GNG7: variants seen among roughly 807,000 people sequenced by gnomAD.
GNG7 encodes the protein guanine nucleotide-binding protein G(I)/G(S)/G(O) subunit gamma-7.
Under a neutral mutation model 4.0 loss-of-function variants are expected in GNG7, and 1 was observed. The observed-to-expected ratio is 0.25, with a 90% CI of 0.09 to 1.18. The LOEUF (loss-of-function observed/expected upper bound fraction) is 1.18, where lower values mean the gene tolerates loss of function less well. Ranked by LOEUF, GNG7 falls within the 50% of genes most tolerant of loss-of-function variation. The probability of loss-of-function intolerance (pLI) is 0.50; values close to 1 mark genes in which losing one functional copy is unlikely to be tolerated. For missense variants in GNG7, 86 were observed against 91.9 expected, an observed-to-expected ratio of 0.94 and a Z score of 0.26; for synonymous variants, 34 against 36.9, an observed-to-expected ratio of 0.92 and a Z score of 0.29.
chr19:2,595,576 A>G (rs1980992489), intron 2 of GNG7, among the ~76,000 whole-genome samples: 1 of 151,970 alleles, frequency 6.6e-6, no homozygotes, highest in Non-Finnish European at 1.5e-5. Flanking sequence ...TCTAGTAAAA[A>G]TACAAAAAAT....
intron 2 of GNG7, among the ~76,000 whole-genome samples, chr19:2,583,365 C>G (rs1007982399): frequency 2.0e-5 from 3 of 152,172 alleles, no homozygotes; most frequent in Non-Finnish European, 2.9e-5. Context: ...GACCTCTCAC[C>G]CCCTTTGTAG....
chr19:2,646,034 T>G (rs1982656896), intron 2 of GNG7, among the ~76,000 whole-genome samples, 190 bp downstream of exon 2: 1 of 152,086 alleles, frequency 6.6e-6, no homozygotes, highest in Non-Finnish European at 1.5e-5. Context: ...GGCGGGAAAC[T>G]CTGCCAGGAG....
Position 2,609,811 on chromosome 19 carries a change from C to A in GNG7, c.-78+36413G>T, listed in dbSNP as rs769542772. 6.6e-6 allele frequency among the ~76,000 whole-genome samples: 1 copy of A among 152,168 alleles called. No homozygotes were observed. Among genetic ancestry groups the A allele is most frequent in the Non-Finnish European group, 1.5e-5 (1 of 68,026 alleles). The stretch of plus-strand genomic sequence containing the variant: ...GCCACCGTAGGACAATCCAGTGGGA[C>A]CTGGGGGTGCCTCTGGGCCATTGGG... On this transcript the variant is annotated intron_variant, in intron 2 of 4. Transcript: ENST00000382159. This position sits in a 1 kb window ranked among gnomAD's most constrained non-coding sequence, Gnocchi z 4.4.
chr19:2,685,480 C>A (rs959192873), intron 1 of GNG7, among the ~76,000 whole-genome samples: 1 of 151,888 alleles, frequency 6.6e-6, no homozygotes, highest in African/African-American at 2.4e-5. Context: ...TAAAAATCAG[C>A]CGGGCGTGGT....
In GNG7 at chr19:2,696,294, GAA is replaced by G. The variant is rs1449100354; in HGVS notation, c.-135+6350_-135+6351del. Among the ~76,000 whole-genome samples the G allele has an allele frequency of 1.9e-3, 104 of 54,986 alleles. No homozygotes were observed. In the Middle Eastern group the frequency reaches 0.04, roughly 21 times the overall value. 36.1% of individuals were successfully genotyped at this position (54,986 alleles called of 152,430 possible). A position where few individuals can be genotyped will look rare whatever the true frequency, so the allele number is the denominator to read the frequency against. Reference sequence around the variant, plus strand: ...GGAGAGAAAGAAAAAGAGAGAGAGAGAAAGAAAGAAAGAAAGAAAGAAAGAAA... The same window carrying G: ...GGAGAGAAAGAAAAAGAGAGAGAGAGAGAAAGAAAGAAAGAAAGAAAGAAA... On this transcript the variant is annotated intron_variant, in intron 1 of 4. Transcript: ENST00000382159.
At chr19:2,643,193 C>T (rs557852453) in intron 2 of GNG7, 21 of 452,444 alleles carry the variant, frequency 4.6e-5, no homozygotes, top group Non-Finnish European at 8.8e-5. Flanking sequence ...CCTCTCCGGG[C>T]TCTGCACACC....
Position 2,552,859 on chromosome 19 carries a change from C to T in GNG7, c.-38+2290G>A, listed in dbSNP as rs544097152. 2.0e-3 allele frequency among the ~76,000 whole-genome samples: 299 copies of T among 150,782 alleles called. 2 individuals carry two copies. The highest frequency in any genetic ancestry group is 7.0e-3 in the African/African-American group (289 of 41,028). The stretch of plus-strand genomic sequence containing the variant: ...ACCATCCTCCCGGCTCCACCCCCCC[C>T]ACCTCCCCACTGTCTGTGGAAAAAC... On this transcript the variant is annotated intron_variant, in intron 3 of 4. Coordinates refer to ENST00000382159, the MANE Select transcript of GNG7 (RefSeq NM_052847.3).
At chr19:2,624,268 G>A (rs1389850670) in intron 2 of GNG7, among the ~76,000 whole-genome samples, 1 of 152,042 alleles carries the variant, frequency 6.6e-6, no homozygotes, top group South Asian at 2.1e-4. Flanking sequence ...GGTGGCTCAC[G>A]CCTGTAATCC....
chr19:2,674,914 G>A (rs2144892734), intron 1 of GNG7, among the ~76,000 whole-genome samples: 1 of 152,288 alleles, frequency 6.6e-6, no homozygotes, highest in South Asian at 2.1e-4. Flanking sequence ...GCCATTGTAC[G>A]TCACCAGAAA....
intron 3 of GNG7, among the ~76,000 whole-genome samples, chr19:2,554,367 C>T (rs534011606): frequency 3.4e-5 from 5 of 147,868 alleles, no homozygotes; most frequent in South Asian, 2.1e-4. Context: ...TTTAAGAGAC[C>T]GGGTCTCACT....
chr19:2,565,347 TAA>T (rs535264780), intron 2 of GNG7, among the ~76,000 whole-genome samples: 1 of 151,424 alleles, frequency 6.6e-6, no homozygotes, highest in African/African-American at 2.4e-5. Flanking sequence ...CCGTCTCTAC[TAA>T]AAAAATACAA....
chr19:2,642,597 C>T (rs1234900730), intron 2 of GNG7: 4 of 361,734 alleles, frequency 1.1e-5, no homozygotes, highest in Non-Finnish European at 1.6e-5. Flanking sequence ...AACTCTCAGG[C>T]TCAAACGATC....
intron 3 of GNG7, among the ~76,000 whole-genome samples, chr19:2,553,592 T>C (rs1320098951): frequency 7.4e-5 from 11 of 149,102 alleles, no homozygotes; most frequent in South Asian, 2.1e-4. Flanking sequence ...TACACGCACA[T>C]ATTACATGCA....
intron 3 of GNG7, among the ~76,000 whole-genome samples, chr19:2,526,379 A>T (rs1406619519): frequency 6.6e-6 from 1 of 151,670 alleles, no homozygotes; most frequent in African/African-American, 2.4e-5. Flanking sequence ...TGCTGGGATT[A>T]CAGGCGTGAG....
At chr19:2,588,592 G>A (rs1400068360) in intron 2 of GNG7, among the ~76,000 whole-genome samples, 5 of 152,180 alleles carry the variant, frequency 3.3e-5, no homozygotes, top group Admixed American at 1.3e-4. Flanking sequence ...GTCAGGGGCC[G>A]TATTTCTTAG....
rs1402883458 is a variant in GNG7, at chr19:2,511,997, C to T, written c.*3025G>A. On this transcript the variant is annotated 3_prime_UTR_variant, in exon 5 of 5. Coordinates refer to ENST00000382159, the MANE Select transcript of GNG7 (RefSeq NM_052847.3). The surrounding 1 kb of genome is among the most constrained non-coding windows in gnomAD (Gnocchi z 6.3). ...GCCCTTCACCTGGCTACTGGTGTCT[C>T]GCTCAGCAGCGGGGAAGGCCCGTGG... 6.8e-5 allele frequency: 67 copies of T among 985,894 alleles called. No homozygotes were observed. The highest frequency in any genetic ancestry group is 1.2e-4 in the Admixed American group (2 of 16,286). 61.1% of individuals were successfully genotyped at this position (985,894 alleles called of 1,614,324 possible). A position where few individuals can be genotyped will look rare whatever the true frequency, so the allele number is the denominator to read the frequency against.
chr19:2,654,281 G>A lies in GNG7; in HGVS notation c.-134-8001C>T, dbSNP rs185697939. ...GACAAGCTCTGTTCCCACCTTCCCCGGGTTCCCAGAGCAGCCTCCTAGACA... is the reference window on the plus strand; with the variant it reads ...GACAAGCTCTGTTCCCACCTTCCCCAGGTTCCCAGAGCAGCCTCCTAGACA... On this transcript the variant is annotated intron_variant, in intron 1 of 4. Transcript: ENST00000382159. 2.2e-3 allele frequency among the ~76,000 whole-genome samples: 341 copies of A among 152,190 alleles called. 2 individuals carry two copies. The highest frequency in any genetic ancestry group is 7.9e-3 in the African/African-American group (326 of 41,518).
chr19:2,513,939 C>T lies in GNG7; in HGVS notation c.*1083G>A, dbSNP rs1021995042. 1 of 152,496 alleles carries T rather than the reference C, an allele frequency of 6.6e-6. No individual in the cohort carries two copies. The highest frequency in any genetic ancestry group is 2.4e-5 in the African/African-American group (1 of 41,446). 9.4% of individuals were successfully genotyped at this position (152,496 alleles called of 1,614,324 possible). A position where few individuals can be genotyped will look rare whatever the true frequency, so the allele number is the denominator to read the frequency against. ...ACACACTGGGCGCGGTGGCTCATGC[C>T]TGTAATCCCAGCACTTTGGGAGGCC... On this transcript the variant is annotated 3_prime_UTR_variant, in exon 5 of 5. Transcript: ENST00000382159.
chr19:2,612,351 C>T (rs1177898050), intron 2 of GNG7, among the ~76,000 whole-genome samples: 1 of 152,070 alleles, frequency 6.6e-6, no homozygotes, highest in Non-Finnish European at 1.5e-5. Context: ...CCCCAAACAT[C>T]GCCCAGTGCC....
Sources: gnomAD v4.1 joint callset for allele counts (sites outside exome capture counted in the v4.1 genomes callset) on GRCh38, gnomAD v4.1.1 for gene constraint, Gnocchi (gnomAD v3.1) non-coding constraint, MANE v1.5 for transcripts, NCBI Gene and HGNC (gene_info 2026-07-23, HGNC 2026-07-21) for gene names.